The following ADCY7 variants were observed in gnomAD, a reference collection of about 807,000 sequenced individuals.
ADCY7 encodes the protein adenylate cyclase type 7.
In ADCY7, 72 loss-of-function variants were observed where a neutral mutation model predicts 120.6. The ratio of observed to expected loss-of-function variants is 0.60; its 90% confidence interval spans 0.49 to 0.73. The LOEUF is 0.73. Ranked by LOEUF, ADCY7 falls within the 30% of genes least tolerant of loss-of-function variation. The pLI is 0.00. For synonymous variants in ADCY7, 661 were observed against 628.0 expected (o/e 1.05, Z -0.78); for missense variants, 1,227 against 1,486.0 (o/e 0.83, Z 2.87).
At chr16:50,258,024 C>T (rs922723230) in intron 1 of ADCY7, among the ~76,000 whole-genome samples, 2 of 152,188 alleles carry the variant, frequency 1.3e-5, no homozygotes, top group Admixed American at 6.5e-5. Context: ...GGATTAGGGA[C>T]GTGAGCCACC....
chr16:50,271,668 C>T (rs1340575979), intron 1 of ADCY7, among the ~76,000 whole-genome samples: 1 of 152,194 alleles, frequency 6.6e-6, no homozygotes, highest in African/African-American at 2.4e-5. Context: ...GCCCCCCTGA[C>T]ATTTTCACTC....
At chr16:50,269,872 G>A (rs1025708062) in intron 1 of ADCY7, among the ~76,000 whole-genome samples, 1 of 152,106 alleles carries the variant, frequency 6.6e-6, no homozygotes, top group African/African-American at 2.4e-5. Context: ...CATGGGGTGG[G>A]AGGGAGGCAT....
chr16:50,300,866 G>A lies in ADCY7; in HGVS notation c.1228G>A (p.Val410Ile). The A allele has an allele frequency of 6.4e-7, 1 of 1,556,172 alleles. No homozygotes were observed. Among genetic ancestry groups the A allele is most frequent in the Non-Finnish European group, 8.7e-7 (1 of 1,149,624 alleles). ...GGCCAACCGGATGGAGGCAGCCGGA[G>A]TACCCGGGTGAGGCTGGGCTGGGTA... ...SLANRMEAAG[V>I]PGRVHITEAT... Residue 410 changes from valine to isoleucine, a missense_variant, in exon 9 of 26, where the codon GTA becomes ATA. By Grantham distance (29) the Val-to-Ile change is conservative. Transcript: ENST00000673801.
rs976625347 is a variant in ADCY7, at chr16:50,291,145, T to G, written c.375+485T>G. On this transcript the variant is annotated intron_variant, in intron 3 of 25. Coordinates refer to ENST00000673801, the MANE Select transcript of ADCY7 (RefSeq NM_001114.5). ...TTGAGCCACACTGGCCTGGCTGTGG[T>G]CATGGGCCCAGTCCCAGAGAGGCTG... 4.6e-5 allele frequency among the ~76,000 whole-genome samples: 7 copies of G among 152,150 alleles called. No homozygotes were observed. In the South Asian group the frequency reaches 1.5e-3, roughly 32 times the overall value.
intron 1 of ADCY7, among the ~76,000 whole-genome samples, chr16:50,283,897 T>C (rs537450502): frequency 6.6e-6 from 1 of 151,876 alleles, no homozygotes; most frequent in South Asian, 2.1e-4. Context: ...CCCTGAGAGG[T>C]GGTGAGCCCC....
upstream of ADCY7, among the ~76,000 whole-genome samples, chr16:50,265,381 A>G (rs1486384483): frequency 3.3e-5 from 5 of 151,992 alleles, no homozygotes; most frequent in Admixed American, 2.0e-4. Flanking sequence ...TGTGAGTCCT[A>G]TGCCTGTCTC....
In ADCY7 at chr16:50,315,341, G is replaced by A; in HGVS notation, c.3097-18G>A. On this transcript the variant is annotated intron_variant, in intron 25 of 25. Transcript: ENST00000673801. ...TTCTTCCCGCCTCTGAAGACAACAG[G>A]TCTCTCTTCCTTTTCAGGTTACCGA... is the stretch of plus-strand genomic sequence containing the variant. 4 of 1,600,850 alleles carry A rather than the reference G, an allele frequency of 2.5e-6. No homozygotes were observed. Among genetic ancestry groups the A allele is most frequent in the Non-Finnish European group, 1.7e-6 (2 of 1,169,050 alleles).
chr16:50,298,763 G>A lies in ADCY7; in HGVS notation c.949-141G>A, dbSNP rs1344272450. ...AAGCCTTTTGCCAGGCCCAGAAGTG[G>A]CTCCTGGTGACTGGACCCCAGGAGG... On this transcript the variant is annotated intron_variant, in intron 7 of 25. Coordinates refer to ENST00000673801, the MANE Select transcript of ADCY7 (RefSeq NM_001114.5). The A allele has an allele frequency of 5.8e-6, 7 of 1,205,928 alleles. 1 individual carries two copies. The South Asian group carries it at 5.9e-5, about 10-fold the overall frequency. 74.7% of individuals were successfully genotyped at this position (1,205,928 alleles called of 1,614,324 possible).
rs765802643 is a variant in ADCY7 at position 50,308,789 on chromosome 16, C to G, written c.2058C>G (p.Asn686Lys). The change falls in exon 17 of 26, where the codon AAC becomes AAG. Residue 686 changes from asparagine to lysine, a missense_variant. This residue lies in a region of ADCY7 where 267 missense variants were observed against 270.0 expected (regional missense o/e 0.99). Transcript: ENST00000673801. ...GCCTGCTCACTGTGGCCATCATCAA[C>G]CTGGTGGGTCCCGTGGTGGGGAGGC... ...IGSLLTVAII[N>K]LPLMPFQVPE... 2 of 1,607,412 alleles carry G rather than the reference C, an allele frequency of 1.2e-6. No individual in the cohort carries two copies. The highest frequency in any genetic ancestry group is 1.7e-6 in the Non-Finnish European group (2 of 1,177,728).
chr16:50,272,090 T>A (rs1386346953), intron 1 of ADCY7, among the ~76,000 whole-genome samples: 2 of 152,214 alleles, frequency 1.3e-5, no homozygotes, highest in African/African-American at 4.8e-5. Flanking sequence ...CCCCAGGCTC[T>A]GCCCATTCTT....
chr16:50,258,678 TG>T (rs1217484449), intron 1 of ADCY7, among the ~76,000 whole-genome samples: 2 of 151,804 alleles, frequency 1.3e-5, no homozygotes, highest in Admixed American at 1.3e-4. Flanking sequence ...ACTGCAGCCT[TG>T]ACCTCCAGGC....
chr16:50,253,413 G>A (rs536800689), intron 1 of ADCY7, among the ~76,000 whole-genome samples: 10 of 152,210 alleles, frequency 6.6e-5, no homozygotes, highest in African/African-American at 1.4e-4. Flanking sequence ...CACCATGCCC[G>A]ACTAATTTTT....
chr16:50,304,598 C>A (rs760345023), intron 11 of ADCY7, 47 bp downstream of exon 11: 2 of 1,494,446 alleles, frequency 1.3e-6, no homozygotes, highest in Non-Finnish European at 1.8e-6. Context: ...GGCCCCAAGC[C>A]AGGAGCAGGA....
chr16:50,276,417 C>G (rs2033894865), intron 1 of ADCY7, among the ~76,000 whole-genome samples: 1 of 152,220 alleles, frequency 6.6e-6, no homozygotes, highest in Non-Finnish European at 1.5e-5. Context: ...CTTGGTGATG[C>G]ATGCCATCTA....
At position 50,277,538 on chromosome 16, in the gene ADCY7, T is replaced by C. The variant is rs1024461350; in HGVS notation, c.-268-10374T>C. ...TTTCCATGGTAGTTTTGTTTTTGTTTTAAAGATGGGGATTTTGCTATGTTA... is the reference window on the plus strand; with the variant it reads ...TTTCCATGGTAGTTTTGTTTTTGTTCTAAAGATGGGGATTTTGCTATGTTA... On this transcript the variant is annotated intron_variant, in intron 1 of 25. Transcript: ENST00000673801. Among the ~76,000 whole-genome samples, 19 of 152,252 alleles carry C rather than the reference T, an allele frequency of 1.2e-4. 1 individual carries two copies. The Middle Eastern group carries it at 0.02, about 164-fold the overall frequency.
At chr16:50,250,118 A>G (rs1027700722) in intron 1 of ADCY7, among the ~76,000 whole-genome samples, 1 of 152,170 alleles carries the variant, frequency 6.6e-6, no homozygotes, top group African/African-American at 2.4e-5. Context: ...CTCAAAGGCC[A>G]AGGATTTAAC....
chr16:50,314,150 G>A (rs774826786), intron 23 of ADCY7, 88 bp downstream of exon 23: 40 of 1,443,100 alleles, frequency 2.8e-5, no homozygotes, highest in South Asian at 1.8e-4. Flanking sequence ...CCCTTATCTC[G>A]TCCTGGGGGA....
intron 1 of ADCY7, among the ~76,000 whole-genome samples, chr16:50,277,162 G>T (rs1046294839): frequency 6.6e-6 from 1 of 152,182 alleles, no homozygotes; most frequent in Non-Finnish European, 1.5e-5. Context: ...CAGCTGCATA[G>T]TATTCCATTG....
rs1350319343 is a variant in ADCY7 at position 50,304,427 on chromosome 16, G to A, written c.1436G>A (p.Arg479Gln). 1 of 1,603,250 alleles carries A rather than the reference G, an allele frequency of 6.2e-7. No individual in the cohort carries two copies. Among genetic ancestry groups the A allele is most frequent in the Non-Finnish European group, 8.5e-7 (1 of 1,174,776 alleles). The change falls in exon 11 of 26, where the codon CGG (arginine) becomes CAG (glutamine). Residue 479 changes from arginine (R) to glutamine (Q), a missense_variant. Physicochemically the swap from Arg to Gln is conservative, Grantham distance 43. Coordinates refer to ENST00000673801, the MANE Select transcript of ADCY7 (RefSeq NM_001114.5). ...AAGGGGGACGCGGCCCTGAAGATGC[G>A]GGCGTCAGTGCGCATGACCCGGTAC... The part of the protein sequence containing the change: ...RPKGDAALKM[R>Q]ASVRMTRYLE...
Sources: gnomAD v4.1 joint callset for allele counts (sites outside exome capture counted in the v4.1 genomes callset) on GRCh38, gnomAD v4.1.1 for gene constraint, gnomAD v4.1.1 regional missense constraint, MANE v1.5 for transcripts, NCBI Gene and HGNC (gene_info 2026-07-23, HGNC 2026-07-21) for gene names.